The following ZC3H12B variants were observed in gnomAD, a reference collection of about 807,000 sequenced individuals.
ZC3H12B encodes the protein zinc finger CCCH-type containing 12B, also known as probable ribonuclease ZC3H12B.
ZC3H12B carries 7 observed loss-of-function variants against 43.9 expected under a neutral mutation model. The observed-to-expected ratio is 0.16, with a 90% CI of 0.09 to 0.30. The LOEUF (loss-of-function observed/expected upper bound fraction) is 0.30. Ranked by LOEUF, ZC3H12B falls within the 10% of genes least tolerant of loss-of-function variation. The pLI, the probability that ZC3H12B is intolerant of heterozygous loss-of-function variation, is 1.00. For synonymous variants in ZC3H12B, 222 were observed against 241.7 expected, an observed-to-expected ratio of 0.92 and a Z score of 0.76; for missense variants, 475 against 670.2, an observed-to-expected ratio of 0.71 and a Z score of 3.22.
chrX:65,131,953 G>A, the ZC3H12B span, among the ~76,000 whole-genome samples: 1 of 111,347 alleles, frequency 9.0e-6, no homozygotes, highest in African/African-American at 3.3e-5. Flanking sequence ...GAAGCGAAGG[G>A]GTGGAAAGAA....
upstream of ZC3H12B, among the ~76,000 whole-genome samples, chrX:65,363,290 C>A (rs2066128502): frequency 9.0e-6 from 1 of 111,116 alleles, no homozygotes; most frequent in Admixed American, 9.6e-5. Flanking sequence ...GCTCAAATTT[C>A]TTCTCCATCC....
chrX:65,185,221 T>C, the ZC3H12B span: 3 of 112,000 alleles, frequency 2.7e-5, no homozygotes, highest in Non-Finnish European at 5.6e-5. Context: ...TCTTCACTTG[T>C]ATAAATAGTG....
chrX:65,397,997 GA>G (rs1315905048), intron 2 of ZC3H12B, among the ~76,000 whole-genome samples: 2 of 111,395 alleles, frequency 1.8e-5, no homozygotes, highest in Non-Finnish European at 3.8e-5. Flanking sequence ...AGAATATTCT[GA>G]AAAAGAAATC....
chrX:65,179,816 C>A, the ZC3H12B span, among the ~76,000 whole-genome samples: 1 of 111,893 alleles, frequency 8.9e-6, no homozygotes, highest in South Asian at 3.7e-4. Context: ...AGGAAGAAGT[C>A]AATTCTCTGA....
the ZC3H12B span, among the ~76,000 whole-genome samples, chrX:65,263,119 T>G: frequency 9.0e-6 from 1 of 111,421 alleles, no homozygotes; most frequent in Non-Finnish European, 1.9e-5. Flanking sequence ...CTCATAAGAC[T>G]TTTATGTGCC....
At chrX:65,166,761 A>T in the ZC3H12B span, among the ~76,000 whole-genome samples, 1 of 111,631 alleles carries the variant, frequency 9.0e-6, no homozygotes, top group Non-Finnish European at 1.9e-5. Flanking sequence ...ATGGTATCTC[A>T]TTGTGGTTTT....
chrX:65,287,109 C>A, the ZC3H12B span, among the ~76,000 whole-genome samples: 11 of 110,402 alleles, frequency 1.0e-4, no homozygotes, highest in African/African-American at 3.6e-4. Context: ...CACCCCACTC[C>A]CAGAATTAGA....
chrX:65,080,624 T>C, the ZC3H12B span, among the ~76,000 whole-genome samples: 7 of 111,713 alleles, frequency 6.3e-5, 1 homozygote, highest in East Asian at 2.0e-3. Context: ...GAATAGTATA[T>C]CTGGTGAAAA....
chrX:65,356,447 G>C, the ZC3H12B span, among the ~76,000 whole-genome samples: 70 of 111,526 alleles, frequency 6.3e-4, no homozygotes, highest in Non-Finnish European at 1.0e-3. Context: ...TTATATTGTT[G>C]ACAGAATTTA....
At chrX:65,339,078 G>T in the ZC3H12B span, among the ~76,000 whole-genome samples, 4 of 111,814 alleles carry the variant, frequency 3.6e-5, no homozygotes, top group African/African-American at 9.8e-5. Flanking sequence ...TTTCTTTCCT[G>T]ACAAGGAATC....
intron 1 of ZC3H12B, among the ~76,000 whole-genome samples, chrX:65,490,534 T>C (rs1429009523): frequency 2.7e-5 from 3 of 111,402 alleles, no homozygotes; most frequent in Non-Finnish European, 5.7e-5. Context: ...AGAGAATAAA[T>C]TGGTGCTATT....
chrX:65,303,562 A>G, the ZC3H12B span, among the ~76,000 whole-genome samples: 1 of 111,884 alleles, frequency 8.9e-6, no homozygotes, highest in Non-Finnish European at 1.9e-5. Flanking sequence ...TTTGAAAATT[A>G]TATAGCTAGT....
chrX:65,212,347 ATATAAT>A, the ZC3H12B span, among the ~76,000 whole-genome samples: 1 of 17,326 alleles, frequency 5.8e-5, no homozygotes, highest in East Asian at 1.8e-3. Flanking sequence ...TATAATATAA[ATATAAT>A]TATTATATTT....
At chrX:65,416,143 A>G (rs2066957544) in intron 3 of ZC3H12B, among the ~76,000 whole-genome samples, 2 of 112,154 alleles carry the variant, frequency 1.8e-5, no homozygotes. Context: ...TATATAAGAT[A>G]CGATCTTAGC....
At chrX:65,378,808 T>C (rs1194732475) in intron 2 of ZC3H12B, among the ~76,000 whole-genome samples, 1 of 112,188 alleles carries the variant, frequency 8.9e-6, no homozygotes, top group African/African-American at 3.2e-5. Flanking sequence ...GTGCAAGGGG[T>C]CAGGGAGTTC....
At chrX:65,189,825 C>G in the ZC3H12B span, among the ~76,000 whole-genome samples, 4 of 110,642 alleles carry the variant, frequency 3.6e-5, no homozygotes, top group South Asian at 3.7e-4. Flanking sequence ...GTCAATTTTG[C>G]CTTCTGTTGC....
the ZC3H12B span, among the ~76,000 whole-genome samples, chrX:65,195,547 C>G: frequency 8.9e-6 from 1 of 111,980 alleles, no homozygotes; most frequent in Non-Finnish European, 1.9e-5. Flanking sequence ...ATTGTACTAT[C>G]TATGTCTTGA....
At chrX:65,169,093 T>A in the ZC3H12B span, among the ~76,000 whole-genome samples, 52 of 111,737 alleles carry the variant, frequency 4.7e-4, no homozygotes, top group African/African-American at 1.7e-3. Context: ...ATGTGTTTGC[T>A]CTTGCTTCTC....
At chrX:65,302,070 A>G in the ZC3H12B span, among the ~76,000 whole-genome samples, 1 of 111,491 alleles carries the variant, frequency 9.0e-6, no homozygotes, top group East Asian at 2.8e-4. Flanking sequence ...CTAACAATAT[A>G]CTTAATGGGA....
Sources: gnomAD v4.1 joint callset for allele counts (sites outside exome capture counted in the v4.1 genomes callset) on GRCh38, gnomAD v4.1.1 for gene constraint, MANE v1.5 for transcripts, NCBI Gene and HGNC (gene_info 2026-07-23, HGNC 2026-07-21) for gene names.